COL5A2: variants seen among roughly 807,000 people sequenced by gnomAD.
COL5A2 encodes collagen alpha-2(V) chain.
Under a neutral mutation model 208.2 loss-of-function variants are expected in COL5A2, and 23 were observed. The ratio of observed to expected loss-of-function variants is 0.11; its 90% CI spans 0.08 to 0.16. COL5A2 has a LOEUF of 0.16. Ranked by LOEUF, COL5A2 falls within the 10% of genes least tolerant of loss-of-function variation. The pLI is 1.00. For synonymous variants in COL5A2, 625 were observed against 628.5 expected, an observed-to-expected ratio of 0.99 and a Z score of 0.08; for missense variants, 1,590 against 1,956.4, an observed-to-expected ratio of 0.81 and a Z score of 3.53.
At chr2:189,347,315 A>G in the COL5A2 span, among the ~76,000 whole-genome samples, 1 of 152,208 alleles carries the variant, frequency 6.6e-6, no homozygotes, top group Non-Finnish European at 1.5e-5. Flanking sequence ...TGAACAAATA[A>G]GCACATATAA....
the COL5A2 span, among the ~76,000 whole-genome samples, chr2:189,252,664 TGAC>T: frequency 6.6e-6 from 1 of 151,872 alleles, no homozygotes; most frequent in East Asian, 1.9e-4. Flanking sequence ...CTAAAGTAAA[TGAC>T]GAGTTAAGGG....
chr2:189,068,087 A>C lies in COL5A2; in HGVS notation c.1329T>G (p.Pro443=). The C allele has an allele frequency of 1.2e-6, 2 of 1,614,064 alleles. No individual in the cohort carries two copies. The highest frequency in any genetic ancestry group is 1.7e-6 in the Non-Finnish European group (2 of 1,179,972). The change falls in exon 21 of 54, where the codon CCT becomes CCG. Residue 443 remains proline (P), a synonymous_variant. Coordinates refer to ENST00000374866, the MANE Select transcript of COL5A2 (RefSeq NM_000393.5). ...GAGATCCAGGAGGCCCTGCTGAGCC[A>C]GGAGGACCAGAGGTACCTGGAGAGC... is the stretch of plus-strand genomic sequence containing the variant. ...PTGSPGTSGP[P]GSAGPPGSPG...
chr2:189,212,529 C>T (rs572141995), intron 1 of COL5A2, among the ~76,000 whole-genome samples: 1 of 151,724 alleles, frequency 6.6e-6, no homozygotes, highest in East Asian at 1.9e-4. Flanking sequence ...ATCCCAGCTA[C>T]TCAGGAGGCT....
the COL5A2 span, among the ~76,000 whole-genome samples, chr2:189,422,633 A>C: frequency 4.0e-3 from 612 of 152,322 alleles, 7 homozygotes; most frequent in African/African-American, 0.014. Context: ...GTTAGGCTAC[A>C]AAACAAGTTT....
intron 1 of COL5A2, among the ~76,000 whole-genome samples, chr2:189,112,356 T>G (rs938974826): frequency 6.6e-6 from 1 of 152,222 alleles, no homozygotes; most frequent in Non-Finnish European, 1.5e-5. Flanking sequence ...GGCATATAAA[T>G]ATATTCAAAT....
the COL5A2 span, among the ~76,000 whole-genome samples, chr2:189,313,022 C>A: frequency 6.6e-6 from 1 of 151,986 alleles, no homozygotes; most frequent in African/African-American, 2.4e-5. Context: ...ATGTAGCCAA[C>A]CTGACAGAGC....
At position 189,083,351 on chromosome 2, in the gene COL5A2, G is replaced by C. The variant is rs76736428; in HGVS notation, c.852+633C>G. Among the ~76,000 whole-genome samples, 206 of 152,282 alleles carry C rather than the reference G, an allele frequency of 1.4e-3. 3 individuals are homozygous for C. The East Asian group carries it at 0.037, about 27-fold the overall frequency. ...TGGATTCTGGTGGAGTAGTTGCCAG[G>C]AGTCTATTCTTTTAGGGAGCCAAAG... On this transcript the variant is annotated intron_variant, in intron 12 of 53. Transcript: ENST00000374866.
chr2:189,420,182 A>G, the COL5A2 span, among the ~76,000 whole-genome samples: 1 of 152,184 alleles, frequency 6.6e-6, no homozygotes, highest in Non-Finnish European at 1.5e-5. Context: ...CTGTCACACA[A>G]TTCATTTTCA....
the COL5A2 span, among the ~76,000 whole-genome samples, chr2:189,344,516 C>A: frequency 6.6e-6 from 1 of 152,256 alleles, no homozygotes; most frequent in East Asian, 1.9e-4. Context: ...CTGACACACA[C>A]ACATAAACAA....
intron 11 of COL5A2, 101 bp downstream of exon 11, chr2:189,085,059 G>GA (rs201313574): frequency 8.6e-6 from 8 of 934,576 alleles, no homozygotes; most frequent in Admixed American, 2.0e-5. Flanking sequence ...AGCTAAAAGG[G>GA]TGGGGAAATG....
At chr2:189,142,606 A>G (rs1687955166) in intron 1 of COL5A2, among the ~76,000 whole-genome samples, 1 of 152,142 alleles carries the variant, frequency 6.6e-6, no homozygotes, top group African/African-American at 2.4e-5. Context: ...CAACCAAAAA[A>G]TTCTCTCCAT....
chr2:189,075,253 T>G, intron 17 of COL5A2, 140 bp downstream of exon 17: 1 of 633,958 alleles, frequency 1.6e-6, no homozygotes, highest in Non-Finnish European at 2.9e-6. Flanking sequence ...TAGAACAGTT[T>G]TGAAGAAGTA....
In COL5A2 at chr2:189,065,001, C is replaced by T; in HGVS notation, c.1617+3G>A. 1 of 1,613,670 alleles carries T rather than the reference C, an allele frequency of 6.2e-7. No homozygotes were observed. The highest frequency in any genetic ancestry group is 8.5e-7 in the Non-Finnish European group (1 of 1,179,820). On this transcript the variant is annotated splice_donor_region_variant and intron_variant, in intron 24 of 53. Coordinates refer to ENST00000374866, the MANE Select transcript of COL5A2 (RefSeq NM_000393.5). Reference sequence around the variant, plus strand: ...AGTATCAACATTGACAGGGCAACCTCACCTTTGGCCCAGGTAAACCATCAG... The same window carrying T: ...AGTATCAACATTGACAGGGCAACCTTACCTTTGGCCCAGGTAAACCATCAG...
the COL5A2 span, among the ~76,000 whole-genome samples, chr2:189,253,371 A>G: frequency 2.0e-5 from 3 of 152,344 alleles, no homozygotes; most frequent in East Asian, 5.8e-4. Context: ...TTTAATGTAG[A>G]GATAAATACC....
chr2:189,181,346 A>T (rs1311122054), upstream of COL5A2, among the ~76,000 whole-genome samples: 1 of 152,110 alleles, frequency 6.6e-6, no homozygotes, highest in Non-Finnish European at 1.5e-5. Context: ...TTCTGTCACC[A>T]CCACACTGTT....
At chr2:189,045,340 A>ATGTGTGTGTG (rs111268949) in intron 46 of COL5A2, 108 bp from the exon 47 acceptor site, 1 of 540,230 alleles carries the variant, frequency 1.9e-6, no homozygotes, top group Non-Finnish European at 3.3e-6. Flanking sequence ...ATATATATAT[A>ATGTGTGTGTG]TGTGTGTGTG....
At chr2:189,172,810 A>C (rs1688596728) in intron 1 of COL5A2, among the ~76,000 whole-genome samples, 1 of 152,056 alleles carries the variant, frequency 6.6e-6, no homozygotes, top group Admixed American at 6.6e-5. Context: ...AAAAAGGGGT[A>C]CAAAACTGTG....
At chr2:189,257,439 T>C in the COL5A2 span, among the ~76,000 whole-genome samples, 1 of 152,194 alleles carries the variant, frequency 6.6e-6, no homozygotes, top group Admixed American at 6.5e-5. Context: ...TTAAGATATA[T>C]CTCAATATAT....
intron 19 of COL5A2, 61 bp from the exon 20 acceptor site, chr2:189,068,331 T>C: frequency 7.4e-7 from 1 of 1,352,906 alleles, no homozygotes; most frequent in South Asian, 1.2e-5. Context: ...ACAAATGTGC[T>C]AGTATACAGA....
Sources: allele counts gnomAD v4.1 joint callset (sites outside exome capture counted in the v4.1 genomes callset), GRCh38; gene constraint gnomAD v4.1.1; transcripts MANE v1.5; gene names NCBI Gene and HGNC (gene_info 2026-07-23, HGNC 2026-07-21).